ROBO1: variants seen among roughly 807,000 people sequenced by gnomAD.
ROBO1 encodes roundabout guidance receptor 1.
In ROBO1, 149 loss-of-function variants were observed where a neutral mutation model predicts 195.9. That is an observed-to-expected ratio of 0.76 (90% CI 0.67 to 0.87). The LOEUF is 0.87. ROBO1 is among the 40% of genes least tolerant of loss of function. The pLI is 0.00. For missense variants in ROBO1, 1,933 were observed against 2,068.3 expected (o/e 0.93, Z 1.27); for synonymous variants, 816 against 733.2 (o/e 1.11, Z -1.82).
At chr3:79,350,162 C>A (rs2035283600) in intron 2 of ROBO1, among the ~76,000 whole-genome samples, 4 of 152,102 alleles carry the variant, frequency 2.6e-5, no homozygotes, top group Admixed American at 2.6e-4. Flanking sequence ...AGGATATATA[C>A]AAATGGCCAA....
At chr3:79,139,680 C>T (rs2080482950) in intron 2 of ROBO1, among the ~76,000 whole-genome samples, 1 of 152,132 alleles carries the variant, frequency 6.6e-6, no homozygotes. Flanking sequence ...CAGAGATTTG[C>T]TGCCTTGAAC....
chr3:79,736,514 A>C (rs1703395373), intron 1 of ROBO1, among the ~76,000 whole-genome samples: 1 of 152,234 alleles, frequency 6.6e-6, no homozygotes, highest in Non-Finnish European at 1.5e-5. Flanking sequence ...TGAGGTTATT[A>C]TACCAATACA....
chr3:79,707,837 C>T (rs191115015), intron 1 of ROBO1, among the ~76,000 whole-genome samples: 16 of 152,266 alleles, frequency 1.1e-4, no homozygotes, highest in Non-Finnish European at 4.4e-5. Flanking sequence ...TGAAATTTAA[C>T]TGAGCCAGTC....
At chr3:79,076,607 A>G (rs2079178309) in intron 3 of ROBO1, among the ~76,000 whole-genome samples, 1 of 151,802 alleles carries the variant, frequency 6.6e-6, no homozygotes, top group South Asian at 2.1e-4. Flanking sequence ...AAATAGAAGT[A>G]CTACATTGTA....
intron 5 of ROBO1, among the ~76,000 whole-genome samples, chr3:78,721,442 G>A (rs939214491): frequency 2.6e-5 from 4 of 152,130 alleles, no homozygotes; most frequent in Non-Finnish European, 5.9e-5. Context: ...TATAACTTTG[G>A]ATAGCACGCC....
chr3:79,088,830 C>CTG (rs2079424076), intron 3 of ROBO1, among the ~76,000 whole-genome samples: 1 of 151,964 alleles, frequency 6.6e-6, no homozygotes, highest in African/African-American at 2.4e-5. Flanking sequence ...CATTAGATCA[C>CTG]TGTGTGTGTG....
chr3:78,729,005 A>C (rs1214349726), intron 5 of ROBO1, among the ~76,000 whole-genome samples: 1 of 152,228 alleles, frequency 6.6e-6, no homozygotes, highest in Non-Finnish European at 1.5e-5. Context: ...CAGAAAAAGC[A>C]ATTATCCCAG....
rs140315171 is a variant in ROBO1 at position 79,406,929 on chromosome 3, T to C, written c.88+182895A>G. ...ATTTCTTTTTCTTTTTCTTTCTTTTTCTTTTTTGAGACAGAGTCTGGCTCT... is the reference window on the plus strand; with the variant it reads ...ATTTCTTTTTCTTTTTCTTTCTTTTCCTTTTTTGAGACAGAGTCTGGCTCT... On this transcript the variant is annotated intron_variant, in intron 2 of 30. Coordinates refer to ENST00000464233, the MANE Select transcript of ROBO1 (RefSeq NM_002941.4). Among the ~76,000 whole-genome samples the C allele has an allele frequency of 1.2e-3, 182 of 152,282 alleles. 1 individual carries two copies. Among genetic ancestry groups the C allele is most frequent in the African/African-American group, 4.2e-3 (175 of 41,568 alleles).
chr3:78,881,809 T>A (rs555439904), intron 4 of ROBO1, among the ~76,000 whole-genome samples: 1 of 152,232 alleles, frequency 6.6e-6, no homozygotes, highest in Non-Finnish European at 1.5e-5. Context: ...TTAGCTTATG[T>A]GCATCCAATA....
chr3:78,750,077 C>A (rs991727030), intron 4 of ROBO1, among the ~76,000 whole-genome samples: 4 of 152,066 alleles, frequency 2.6e-5, no homozygotes, highest in Non-Finnish European at 5.9e-5. Context: ...AACTCAACAG[C>A]ATTTCATTTT....
At chr3:79,749,290 C>T in intron 1 of ROBO1, among the ~76,000 whole-genome samples, 1 of 152,138 alleles carries the variant, frequency 6.6e-6, no homozygotes, top group Non-Finnish European at 1.5e-5. Flanking sequence ...AGCAGCAAAG[C>T]ATTCAAGATG....
intron 2 of ROBO1, among the ~76,000 whole-genome samples, chr3:79,158,472 C>A (rs1398892256): frequency 6.6e-6 from 1 of 150,816 alleles, no homozygotes; most frequent in East Asian, 1.9e-4. Flanking sequence ...TAGTAATTTC[C>A]TTTAATACTT....
At chr3:79,608,766 T>C (rs116461132) in intron 1 of ROBO1, among the ~76,000 whole-genome samples, 1 of 151,922 alleles carries the variant, frequency 6.6e-6, no homozygotes, top group Non-Finnish European at 1.5e-5. Flanking sequence ...GTGTTTAAAG[T>C]GTTTGACTTC....
At position 79,330,895 on chromosome 3, in the gene ROBO1, T is replaced by G. The variant is rs776852906; in HGVS notation, c.89-205356A>C. 7.2e-5 allele frequency among the ~76,000 whole-genome samples: 11 copies of G among 152,244 alleles called. No individual in the cohort carries two copies. The East Asian group carries it at 2.1e-3, about 29-fold the overall frequency. On this transcript the variant is annotated intron_variant, in intron 2 of 30. Coordinates refer to ENST00000464233, the MANE Select transcript of ROBO1 (RefSeq NM_002941.4). ...GTCCTTCAGGTCTGCATTTGTGAAA[T>G]AACATTGGATTATATGAGCCCTCTG...
At chr3:78,793,655 C>T (rs145619890) in intron 4 of ROBO1, among the ~76,000 whole-genome samples, 34 of 151,958 alleles carry the variant, frequency 2.2e-4, no homozygotes, top group African/African-American at 7.0e-4. Flanking sequence ...CCCTAGGGTA[C>T]GGACATCAAA....
intron 2 of ROBO1, among the ~76,000 whole-genome samples, chr3:79,338,306 GT>G (rs1030525224): frequency 6.6e-6 from 1 of 152,078 alleles, no homozygotes; most frequent in African/African-American, 2.4e-5. Flanking sequence ...AACTAATCAT[GT>G]TTTCAAAATA....
intron 16 of ROBO1, chr3:78,660,614 A>G (rs1056725393): frequency 2.5e-5 from 4 of 160,536 alleles, no homozygotes; most frequent in Non-Finnish European, 4.1e-5. Flanking sequence ...AAGAGATGAG[A>G]TTTAGGAAGA....
intron 2 of ROBO1, among the ~76,000 whole-genome samples, chr3:79,173,395 C>T (rs1186854453): frequency 6.6e-6 from 1 of 152,116 alleles, no homozygotes; most frequent in African/African-American, 2.4e-5. Flanking sequence ...AGCGCGAGTT[C>T]CAGGTGGGTG....
intron 2 of ROBO1, among the ~76,000 whole-genome samples, chr3:79,514,900 A>C (rs2107554235): frequency 6.6e-6 from 1 of 152,366 alleles, no homozygotes; most frequent in South Asian, 2.1e-4. Flanking sequence ...TATCAAAAGA[A>C]TTTCAACATT....
Sources: allele counts gnomAD v4.1 joint callset (sites outside exome capture counted in the v4.1 genomes callset), GRCh38; gene constraint gnomAD v4.1.1; transcripts MANE v1.5; gene names NCBI Gene and HGNC (gene_info 2026-07-23, HGNC 2026-07-21).